The following ARID4A variants were observed in gnomAD, a reference collection of about 807,000 sequenced individuals.
ARID4A encodes the protein AT-rich interactive domain-containing protein 4A.
A neutral mutation model predicts 148.6 loss-of-function variants in ARID4A; 39 were observed. That is an observed-to-expected ratio of 0.26 (90% confidence interval 0.20 to 0.34). The LOEUF (loss-of-function observed/expected upper bound fraction) is 0.34. ARID4A is among the 10% of genes least tolerant of loss of function. ARID4A has a pLI of 1.00. For synonymous variants in ARID4A, 475 were observed against 481.2 expected, an observed-to-expected ratio of 0.99 and a Z score of 0.17; for missense variants, 1,265 against 1,449.1, an observed-to-expected ratio of 0.87 and a Z score of 2.06.
intron 13 of ARID4A, among the ~76,000 whole-genome samples, chr14:58,346,782 G>C (rs10131627): frequency 6.6e-6 from 1 of 150,740 alleles, no homozygotes; most frequent in Admixed American, 6.6e-5. Flanking sequence ...ACAAAAATTA[G>C]CCAGGCATGG....
intron 3 of ARID4A, among the ~76,000 whole-genome samples, chr14:58,303,064 G>A (rs80198923): frequency 0.017 from 2,624 of 151,480 alleles, 36 homozygotes; most frequent in Non-Finnish European, 0.025. Flanking sequence ...AATAGTCTTC[G>A]TTACTTTATA....
intron 9 of ARID4A, 60 bp from the exon 10 acceptor site, chr14:58,329,468 T>C: frequency 8.9e-7 from 1 of 1,120,776 alleles, no homozygotes; most frequent in Admixed American, 1.8e-5. Context: ...TAACATGAAC[T>C]ATTTAAGTGA....
chr14:58,345,028 A>G (rs960820218), intron 12 of ARID4A, among the ~76,000 whole-genome samples: 2 of 151,986 alleles, frequency 1.3e-5, no homozygotes, highest in Non-Finnish European at 2.9e-5. Flanking sequence ...ACGTGCCACC[A>G]TACCCAGCTA....
At chr14:58,315,699 A>C (rs1375796944) in intron 5 of ARID4A, among the ~76,000 whole-genome samples, 1 of 152,232 alleles carries the variant, frequency 6.6e-6, no homozygotes, top group Non-Finnish European at 1.5e-5. Context: ...TTAAGAGAAC[A>C]GTGGTTAATT....
intron 23 of ARID4A, among the ~76,000 whole-genome samples, chr14:58,369,191 CAA>C (rs938816073): frequency 6.6e-6 from 1 of 152,050 alleles, no homozygotes; most frequent in African/African-American, 2.4e-5. Context: ...GTTGAATAAA[CAA>C]GAGGAAGTTG....
chr14:58,320,841 T>G (rs2032838527), intron 7 of ARID4A, among the ~76,000 whole-genome samples: 1 of 152,134 alleles, frequency 6.6e-6, no homozygotes, highest in Non-Finnish European at 1.5e-5. Context: ...TCTCCTGACC[T>G]CGTGATCTGC....
At chr14:58,322,687 C>G (rs1426012173) in intron 7 of ARID4A, among the ~76,000 whole-genome samples, 1 of 151,986 alleles carries the variant, frequency 6.6e-6, no homozygotes, top group Non-Finnish European at 1.5e-5. Context: ...CTTGGCTGGG[C>G]ACGTTGCCTC....
intron 22 of ARID4A, 149 bp from the exon 23 acceptor site, chr14:58,366,734 C>A: frequency 1.9e-6 from 1 of 532,126 alleles, no homozygotes. Context: ...TCACGACTTC[C>A]TTGTTTTCAG....
At chr14:58,322,250 G>A (rs1230775554) in intron 7 of ARID4A, among the ~76,000 whole-genome samples, 10 of 152,018 alleles carry the variant, frequency 6.6e-5, no homozygotes, top group Non-Finnish European at 1.2e-4. Flanking sequence ...GATTACAGGT[G>A]TGAACCACTG....
At chr14:58,360,273 A>T (rs1441078665) in intron 18 of ARID4A, among the ~76,000 whole-genome samples, 1 of 152,226 alleles carries the variant, frequency 6.6e-6, no homozygotes, top group Non-Finnish European at 1.5e-5. Flanking sequence ...GAGAGGTCAC[A>T]TTCCTCATTT....
chr14:58,319,923 A>G (rs183319565), intron 7 of ARID4A, among the ~76,000 whole-genome samples: 14 of 146,980 alleles, frequency 9.5e-5, no homozygotes, highest in Admixed American at 4.8e-4. Context: ...TTCCCTCTCT[A>G]TATATATACT....
intron 12 of ARID4A, among the ~76,000 whole-genome samples, chr14:58,344,994 T>A (rs1477222811): frequency 1.3e-5 from 2 of 152,144 alleles, no homozygotes; most frequent in African/African-American, 4.8e-5. Context: ...TGCCTCAGCC[T>A]CTCGAGTAGC....
intron 5 of ARID4A, among the ~76,000 whole-genome samples, chr14:58,312,483 T>C (rs1033631049): frequency 3.3e-5 from 5 of 152,188 alleles, no homozygotes; most frequent in African/African-American, 1.2e-4. Context: ...TCCAAAGTGC[T>C]GGGATTACAG....
intron 11 of ARID4A, 111 bp downstream of exon 11, chr14:58,330,280 G>A (rs149950342): frequency 0.017 from 23,821 of 1,429,362 alleles, 254 homozygotes; most frequent in Non-Finnish European, 0.018. Flanking sequence ...GTTTCTGTCC[G>A]TTTCTAGCAT....
At chr14:58,325,427 G>A (rs534034219) in intron 8 of ARID4A, among the ~76,000 whole-genome samples, 3 of 152,156 alleles carry the variant, frequency 2.0e-5, no homozygotes, top group East Asian at 1.9e-4. Flanking sequence ...GGGACCACAG[G>A]TGTACATCAC....
chr14:58,355,589 T>C (rs893085366), intron 17 of ARID4A, among the ~76,000 whole-genome samples: 1 of 152,244 alleles, frequency 6.6e-6, no homozygotes, highest in Admixed American at 6.5e-5. Flanking sequence ...CAGGGACTAC[T>C]GTAGTGATAA....
chr14:58,348,046 C>G (rs535029344), intron 15 of ARID4A, among the ~76,000 whole-genome samples, 168 bp downstream of exon 15: 1 of 152,102 alleles, frequency 6.6e-6, no homozygotes, highest in African/African-American at 2.4e-5. Context: ...ATTATTTCCT[C>G]TACCTGAAAA....
At chr14:58,353,287 CAA>C (rs1489342862) in intron 16 of ARID4A, among the ~76,000 whole-genome samples, 5 of 151,892 alleles carry the variant, frequency 3.3e-5, no homozygotes, top group African/African-American at 1.2e-4. Flanking sequence ...TTTGTTTTGT[CAA>C]AAGTGATTGA....
intron 7 of ARID4A, among the ~76,000 whole-genome samples, chr14:58,320,932 A>G (rs756409324): frequency 6.6e-6 from 1 of 152,208 alleles, no homozygotes; most frequent in Non-Finnish European, 1.5e-5. Context: ...TTTGAAGAAT[A>G]CAAGACAATA....
Sources: gnomAD v4.1 joint callset for allele counts (sites outside exome capture counted in the v4.1 genomes callset) on GRCh38, gnomAD v4.1.1 for gene constraint, MANE v1.5 for transcripts, NCBI Gene and HGNC (gene_info 2026-07-23, HGNC 2026-07-21) for gene names.